The following CFAP47 variants were observed in gnomAD, a reference collection of about 807,000 sequenced individuals.
CFAP47 encodes the protein cilia and flagella associated protein 47.
CFAP47 carries 29 observed loss-of-function variants against 148.1 expected under a neutral mutation model. The observed-to-expected ratio is 0.20, with a 90% CI of 0.15 to 0.27. CFAP47 has a LOEUF of 0.27. Ranked by LOEUF, CFAP47 falls within the 10% of genes least tolerant of loss-of-function variation. The pLI, the probability that CFAP47 is intolerant of heterozygous loss-of-function variation, is 1.00. For synonymous variants in CFAP47, 664 were observed against 577.3 expected (o/e 1.15, Z -2.15); for missense variants, 1,872 against 1,697.5 (o/e 1.10, Z -1.81).
chrX:36,363,103 T>A (rs6632590), intron 61 of CFAP47, among the ~76,000 whole-genome samples: 20 of 111,684 alleles, frequency 1.8e-4, no homozygotes, highest in African/African-American at 6.2e-4. Context: ...AGGGCAAAAT[T>A]TTTTGATGAT....
intron 25 of CFAP47, among the ~76,000 whole-genome samples, chrX:36,041,719 C>G (rs1385283158): frequency 1.8e-5 from 2 of 110,056 alleles, no homozygotes; most frequent in African/African-American, 3.3e-5. Context: ...GTCACAAGAT[C>G]GAGACCATTT....
intron 26 of CFAP47, among the ~76,000 whole-genome samples, chrX:36,059,146 A>T (rs1296871188): frequency 8.9e-6 from 1 of 111,961 alleles, no homozygotes; most frequent in African/African-American, 3.2e-5. Flanking sequence ...TAAAAAAATT[A>T]GAATCGAGCC....
intron 2 of CFAP47, among the ~76,000 whole-genome samples, chrX:35,933,182 AT>A (rs1325349374): frequency 1.8e-5 from 2 of 110,696 alleles, no homozygotes; most frequent in East Asian, 5.7e-4. Context: ...TTCTAATTAT[AT>A]TTTTACACGC....
intron 2 of CFAP47, among the ~76,000 whole-genome samples, chrX:35,935,079 A>C (rs1258496426): frequency 9.0e-6 from 1 of 111,416 alleles, no homozygotes; most frequent in East Asian, 2.8e-4. Flanking sequence ...CTGGTGTCTT[A>C]GTAGGTTGTG....
intron 62 of CFAP47, among the ~76,000 whole-genome samples, chrX:36,367,699 A>T (rs1306730931): frequency 9.0e-6 from 1 of 111,608 alleles, no homozygotes; most frequent in Non-Finnish European, 1.9e-5. Context: ...ACCACATTCC[A>T]GATATAGAAC....
intron 49 of CFAP47, among the ~76,000 whole-genome samples, chrX:36,263,697 T>C (rs1183005388): frequency 9.0e-6 from 1 of 111,620 alleles, no homozygotes; most frequent in Non-Finnish European, 1.9e-5. Context: ...GCTCTCCTCT[T>C]GCCCAGGGCG....
intron 40 of CFAP47, among the ~76,000 whole-genome samples, chrX:36,182,576 A>G (rs1170892209): frequency 1.8e-5 from 2 of 111,905 alleles, no homozygotes; most frequent in Non-Finnish European, 3.8e-5. Context: ...AGATTTCCAT[A>G]TACAAACTGA....
intron 33 of CFAP47, among the ~76,000 whole-genome samples, chrX:36,106,063 G>A (rs1191961109): frequency 9.0e-6 from 1 of 111,623 alleles, no homozygotes; most frequent in African/African-American, 3.2e-5. Context: ...CATTTCATTC[G>A]AGTCATTGAT....
In CFAP47 at chrX:36,350,087, C is replaced by A. The variant is rs1453178409; in HGVS notation, c.8653C>A (p.Pro2885Thr). 2.6e-6 allele frequency: 3 copies of A among 1,161,519 alleles called. No individual in the cohort carries two copies. The highest frequency in any genetic ancestry group is 3.5e-6 in the Non-Finnish European group (3 of 868,287). ...EEIQAIHWIY[P>T]IVGLPQAPPP... Reference sequence around the variant, plus strand: ...AATCCAAGCAATACACTGGATATACCCTATTGTTGGACTCCCACAAGCACC... The same window carrying A: ...AATCCAAGCAATACACTGGATATACACTATTGTTGGACTCCCACAAGCACC... The change falls in exon 59 of 64, where the codon CCT becomes ACT. Residue 2885 changes from proline (P) to threonine (T), a missense_variant. Pro to Thr is a conservative substitution (Grantham distance 38, BLOSUM62 -1). Transcript: ENST00000378653.
In CFAP47 at chrX:35,971,568, T is replaced by C. The variant is rs1409341552; in HGVS notation, c.1971-18T>C. 2.4e-5 allele frequency: 24 copies of C among 989,922 alleles called. 1 individual carries two copies. The highest frequency in any genetic ancestry group is 3.2e-5 in the Non-Finnish European group (24 of 743,892). 81.6% of individuals were successfully genotyped at this position (989,922 alleles called of 1,213,427 possible). ...ACTTGACCTCAATTACTGATTATTATTATTATTAATTTTATAGGGAGCGCA... is the reference window on the plus strand; with the variant it reads ...ACTTGACCTCAATTACTGATTATTACTATTATTAATTTTATAGGGAGCGCA... On this transcript the variant is annotated intron_variant, in intron 11 of 63. Transcript: ENST00000378653.
chrX:36,137,592 A>G (rs111974724), intron 33 of CFAP47, among the ~76,000 whole-genome samples: 2,027 of 111,045 alleles, frequency 0.018, 48 homozygotes, highest in African/African-American at 0.063. Flanking sequence ...AAGTAACTCC[A>G]TGCCTTTTCA....
At chrX:36,158,830 G>T (rs1054596447) in intron 37 of CFAP47, among the ~76,000 whole-genome samples, 1 of 111,080 alleles carries the variant, frequency 9.0e-6, no homozygotes. Flanking sequence ...AGGTTGCTGG[G>T]GTACCATGGT....
At chrX:36,031,050 A>G (rs1427412983) in intron 22 of CFAP47, among the ~76,000 whole-genome samples, 1 of 110,655 alleles carries the variant, frequency 9.0e-6, no homozygotes, top group Non-Finnish European at 1.9e-5. Context: ...AAAAAATTCC[A>G]CAAAAGGGAA....
chrX:36,288,337 T>C (rs1941155277), intron 51 of CFAP47, among the ~76,000 whole-genome samples: 1 of 112,216 alleles, frequency 8.9e-6, no homozygotes, highest in South Asian at 3.6e-4. Context: ...TAGCTGCTGT[T>C]CCATTTTGTT....
intron 37 of CFAP47, among the ~76,000 whole-genome samples, chrX:36,155,139 T>C (rs773677826): frequency 1.2e-3 from 131 of 111,029 alleles, no homozygotes; most frequent in Non-Finnish European, 2.1e-3. Flanking sequence ...TCTCTGACTA[T>C]TTCTATCTCA....
At chrX:36,200,137 A>G (rs1555987843) in intron 42 of CFAP47, among the ~76,000 whole-genome samples, 1 of 111,808 alleles carries the variant, frequency 8.9e-6, no homozygotes, top group Non-Finnish European at 1.9e-5. Context: ...ATCAACTGCT[A>G]TCAATGCAAT....
intron 56 of CFAP47, among the ~76,000 whole-genome samples, chrX:36,312,478 T>C (rs782055552): frequency 2.9e-4 from 32 of 110,976 alleles, no homozygotes; most frequent in South Asian, 3.8e-4. Context: ...AAAAAAAATA[T>C]GTGTTTGTGA....
At chrX:36,359,974 C>T (rs1556019018) in intron 60 of CFAP47, among the ~76,000 whole-genome samples, 3 of 110,759 alleles carry the variant, frequency 2.7e-5, no homozygotes, top group Non-Finnish European at 5.7e-5. Context: ...AGGATGGTCT[C>T]GATCTCCTGA....
At chrX:36,080,427 TG>T (rs1028397052) in intron 29 of CFAP47, among the ~76,000 whole-genome samples, 2 of 111,749 alleles carry the variant, frequency 1.8e-5, no homozygotes, top group Non-Finnish European at 3.8e-5. Flanking sequence ...ATCCCATTAC[TG>T]GGTATATACC....
Sources: gnomAD v4.1 joint callset for allele counts (sites outside exome capture counted in the v4.1 genomes callset) on GRCh38, gnomAD v4.1.1 for gene constraint, MANE v1.5 for transcripts, NCBI Gene and HGNC (gene_info 2026-07-23, HGNC 2026-07-21) for gene names.